CELF4: variants seen among roughly 807,000 people sequenced by gnomAD.
CELF4 encodes CUG-BP- and ETR-3-like factor 4.
A neutral mutation model predicts 59.9 loss-of-function variants in CELF4; 18 were observed. The observed-to-expected ratio is 0.30, with a 90% CI of 0.21 to 0.45. The LOEUF is 0.45. CELF4 is among the 20% of genes least tolerant of loss of function. The pLI is 1.00. For missense variants in CELF4, 456 were observed against 689.0 expected, an observed-to-expected ratio of 0.66 and a Z score of 3.79; for synonymous variants, 261 against 267.1, an observed-to-expected ratio of 0.98 and a Z score of 0.22.
chr18:37,475,987 A>G (rs2099847845), intron 2 of CELF4, among the ~76,000 whole-genome samples: 2 of 152,178 alleles, frequency 1.3e-5, no homozygotes, highest in African/African-American at 4.8e-5. Context: ...TACTTGAGCC[A>G]TTCTATATTT....
chr18:37,297,074 T>C (rs1329228976), intron 3 of CELF4, among the ~76,000 whole-genome samples: 1 of 151,904 alleles, frequency 6.6e-6, no homozygotes, highest in Non-Finnish European at 1.5e-5. Flanking sequence ...GCAGGGGAGA[T>C]TGAAGGCCAG....
rs79384528 is a variant in CELF4, at chr18:37,341,431, T to A, written c.370-19550A>T. Among the ~76,000 whole-genome samples the A allele has an allele frequency of 4.7e-4, 72 of 152,310 alleles. No homozygotes were observed. The East Asian group carries it at 0.012, about 25-fold the overall frequency. On this transcript the variant is annotated intron_variant, in intron 2 of 12. Transcript: ENST00000420428. ...AGCGTGTTCAGACACAGGAGAAGTA[T>A]GTTCACCTTACATGAGGAGGGTTAA...
chr18:37,530,105 C>T (rs972792725), intron 1 of CELF4, among the ~76,000 whole-genome samples: 2 of 152,220 alleles, frequency 1.3e-5, no homozygotes, highest in Non-Finnish European at 2.9e-5. Context: ...GACAGCCAGT[C>T]AGACTCTCTT....
At chr18:37,470,894 G>C (rs1414064365) in intron 2 of CELF4, among the ~76,000 whole-genome samples, 2 of 139,502 alleles carry the variant, frequency 1.4e-5, no homozygotes, top group African/African-American at 5.3e-5. Context: ...GTGTGACAGA[G>C]AGAGAGAGAG....
intron 2 of CELF4, among the ~76,000 whole-genome samples, chr18:37,435,336 G>A (rs954735620): frequency 6.6e-6 from 1 of 152,294 alleles, no homozygotes; most frequent in African/African-American, 2.4e-5. Context: ...CAGCCTGTCT[G>A]GTGTCCATGT....
At chr18:37,361,724 A>G (rs117219189) in intron 2 of CELF4, among the ~76,000 whole-genome samples, 1 of 152,024 alleles carries the variant, frequency 6.6e-6, no homozygotes, top group East Asian at 1.9e-4. Context: ...CCTGCTCATC[A>G]AGGATGTTTT....
chr18:37,539,775 A>T (rs975076339), intron 1 of CELF4, among the ~76,000 whole-genome samples: 1 of 152,126 alleles, frequency 6.6e-6, no homozygotes, highest in African/African-American at 2.4e-5. Flanking sequence ...TAAAACTGAA[A>T]AACGGATTTT....
chr18:37,321,216 A>AG (rs1239279699), intron 3 of CELF4, among the ~76,000 whole-genome samples: 1 of 152,132 alleles, frequency 6.6e-6, no homozygotes, highest in Non-Finnish European at 1.5e-5. Context: ...TCCCTTACTC[A>AG]GGCTCTCCAC....
At chr18:37,559,706 G>A (rs1026012227) in intron 1 of CELF4, among the ~76,000 whole-genome samples, 2 of 152,126 alleles carry the variant, frequency 1.3e-5, no homozygotes, top group East Asian at 3.9e-4. Flanking sequence ...CTTTTCTCAA[G>A]CAAAAAGGTG....
rs1310973897 is a variant in CELF4 at position 37,245,192 on chromosome 18, C to G, written c.*50G>C. The G allele has an allele frequency of 1.3e-5, 2 of 152,010 alleles. No homozygotes were observed. The highest frequency in any genetic ancestry group is 2.9e-5 in the Non-Finnish European group (2 of 67,996). 9.4% of individuals were successfully genotyped at this position (152,010 alleles called of 1,614,324 possible). ...TTTTTTAATGTAGCCCGTTCAGCAT[C>G]CTGCCCTAAAATGAAGAAAATCAGG... On this transcript the variant is annotated 3_prime_UTR_variant, in exon 13 of 13. Transcript: ENST00000420428. This position sits in a 1 kb window ranked among gnomAD's most constrained non-coding sequence, Gnocchi z 4.1.
chr18:37,328,532 C>A (rs1243414360), intron 2 of CELF4, among the ~76,000 whole-genome samples: 1 of 152,176 alleles, frequency 6.6e-6, no homozygotes, highest in Non-Finnish European at 1.5e-5. Flanking sequence ...GAGGAATACC[C>A]CTGGAGACAC....
intron 3 of CELF4, among the ~76,000 whole-genome samples, chr18:37,302,979 T>A (rs2096165666): frequency 6.6e-6 from 1 of 151,766 alleles, no homozygotes; most frequent in Admixed American, 6.6e-5. Context: ...GGGGGCTCCA[T>A]CTCCTGCAGA....
At chr18:37,258,399 C>G (rs988834652) in intron 11 of CELF4, among the ~76,000 whole-genome samples, 9 of 152,242 alleles carry the variant, frequency 5.9e-5, no homozygotes, top group African/African-American at 2.2e-4. Context: ...GGAGTTCCCT[C>G]CCTTCCTTTT....
chr18:37,462,019 G>A (rs2099794994), intron 2 of CELF4, among the ~76,000 whole-genome samples: 1 of 152,164 alleles, frequency 6.6e-6, no homozygotes, highest in Admixed American at 6.5e-5. Flanking sequence ...TACCCATGAG[G>A]GAAATGTGGC....
intron 6 of CELF4, chr18:37,273,638 G>T: frequency 1.0e-6 from 1 of 988,958 alleles, no homozygotes; most frequent in Non-Finnish European, 1.2e-6. Flanking sequence ...TGTCACAAAG[G>T]TGAGTGCGGA....
intron 1 of CELF4, among the ~76,000 whole-genome samples, chr18:37,564,506 G>C (rs1035943059): frequency 4.6e-5 from 7 of 152,034 alleles, no homozygotes; most frequent in Non-Finnish European, 7.3e-5. Flanking sequence ...GGCAATGATC[G>C]CTTCAAGGGA....
rs115656678 is a variant in CELF4, at chr18:37,389,647, G to A, written c.370-67766C>T. On this transcript the variant is annotated intron_variant, in intron 2 of 12. Coordinates refer to ENST00000420428, the MANE Select transcript of CELF4 (RefSeq NM_020180.4). ...AAACAGGACAGATGTCCACTCCCCC[G>A]TGCACCCACACACACCCCTGAGGAT... is the stretch of plus-strand genomic sequence containing the variant. Among the ~76,000 whole-genome samples, 714 of 152,074 alleles carry A rather than the reference G, an allele frequency of 4.7e-3. 6 individuals carry two copies. The highest frequency in any genetic ancestry group is 0.016 in the African/African-American group (651 of 41,478).
At chr18:37,444,355 G>A (rs984235639) in intron 2 of CELF4, among the ~76,000 whole-genome samples, 3 of 152,068 alleles carry the variant, frequency 2.0e-5, no homozygotes, top group Non-Finnish European at 4.4e-5. Flanking sequence ...GTAGGCAGCC[G>A]GGCAGGAGCT....
At chr18:37,250,114 C>G (rs752667159) in intron 12 of CELF4, among the ~76,000 whole-genome samples, 1 of 152,066 alleles carries the variant, frequency 6.6e-6, no homozygotes, top group Non-Finnish European at 1.5e-5. Flanking sequence ...CTGAGCTGGG[C>G]GGGGCCAGGC....
Sources: allele counts gnomAD v4.1 joint callset (sites outside exome capture counted in the v4.1 genomes callset), GRCh38; gene constraint gnomAD v4.1.1; non-coding constraint Gnocchi (gnomAD v3.1); transcripts MANE v1.5; gene names NCBI Gene and HGNC (gene_info 2026-07-23, HGNC 2026-07-21).